FBN1: variants seen among roughly 807,000 people sequenced by gnomAD.
FBN1 encodes fibrillin-1.
Under a neutral mutation model 365.1 loss-of-function variants are expected in FBN1, and 29 were observed. The ratio of observed to expected loss-of-function variants is 0.08; its 90% CI spans 0.06 to 0.11. The LOEUF is 0.11. Among genes scored for constraint, FBN1 ranks in the 10% least tolerant of loss-of-function variants. FBN1 has a pLI of 1.00. For synonymous variants in FBN1, 1,210 were observed against 1,270.5 expected (o/e 0.95, Z 1.01); for missense variants, 2,476 against 3,703.2 (o/e 0.67, Z 8.60).
chr15:48,472,136 G>GT (rs2043381314), intron 35 of FBN1, among the ~76,000 whole-genome samples: 1 of 152,230 alleles, frequency 6.6e-6, no homozygotes, highest in East Asian at 1.9e-4. Context: ...ATTAAAACCT[G>GT]TGTTTCCATA....
intron 49 of FBN1, among the ~76,000 whole-genome samples, chr15:48,444,004 C>T (rs2043135583): frequency 6.6e-6 from 1 of 152,104 alleles, no homozygotes; most frequent in Non-Finnish European, 1.5e-5. Flanking sequence ...TGTACTTCAA[C>T]CTGGTGACAG....
intron 6 of FBN1, among the ~76,000 whole-genome samples, chr15:48,576,833 T>C (rs906980620): frequency 3.9e-5 from 6 of 152,094 alleles, no homozygotes; most frequent in African/African-American, 1.4e-4. Context: ...ATATACTATA[T>C]GTTAGATGGA....
intron 44 of FBN1, among the ~76,000 whole-genome samples, chr15:48,455,416 A>T (rs765347828): frequency 1.2e-4 from 19 of 152,220 alleles, no homozygotes; most frequent in Non-Finnish European, 4.4e-5. Flanking sequence ...TACAGTCATC[A>T]TCAAAGCCAT....
chr15:48,487,552 G>T, intron 27 of FBN1, 115 bp from the exon 28 acceptor site: 2 of 1,422,880 alleles, frequency 1.4e-6, no homozygotes, highest in Non-Finnish European at 2.0e-6. Flanking sequence ...TCTCAAGGTG[G>T]GACAACTCTC....
intron 9 of FBN1, among the ~76,000 whole-genome samples, chr15:48,524,177 C>T (rs1441216871): frequency 2.0e-5 from 3 of 152,058 alleles, no homozygotes; most frequent in Non-Finnish European, 4.4e-5. Context: ...ATTACAAATG[C>T]CACAGGAAGA....
rs16961135 is a variant in FBN1, at chr15:48,557,399, C to A, written c.539-19591G>T. 0.016 allele frequency among the ~76,000 whole-genome samples: 2,508 copies of A among 152,266 alleles called. 203 individuals are homozygous for A. In the East Asian group the frequency reaches 0.24, roughly 14 times the overall value. ...TACTCTGGATGCCGGCCTGATACAT[C>A]CTGGTGCCAAGTGGCAACTGGTTTC... On this transcript the variant is annotated intron_variant, in intron 6 of 65. Transcript: ENST00000316623.
intron 30 of FBN1, among the ~76,000 whole-genome samples, chr15:48,484,619 C>T (rs1268960201): frequency 6.6e-6 from 1 of 152,204 alleles, no homozygotes; most frequent in Non-Finnish European, 1.5e-5. Flanking sequence ...GATCTGCCTG[C>T]CTCAGCCTCC....
At chr15:48,600,345 G>C (rs1454251399) in intron 4 of FBN1, 111 bp from the exon 5 acceptor site, 1 of 779,824 alleles carries the variant, frequency 1.3e-6, no homozygotes, top group Non-Finnish European at 2.2e-6. Context: ...AGCTTATCAG[G>C]ATTCATCTAT....
intron 8 of FBN1, chr15:48,529,846 T>C (rs1192609955): frequency 6.5e-6 from 1 of 154,412 alleles, no homozygotes; most frequent in East Asian, 1.9e-4. Flanking sequence ...CTTTTATCCA[T>C]GCTGCATCCG....
intron 56 of FBN1, among the ~76,000 whole-genome samples, chr15:48,429,212 T>C (rs2043007034): frequency 6.6e-6 from 1 of 152,198 alleles, no homozygotes; most frequent in African/African-American, 2.4e-5. Context: ...TATCAGCATA[T>C]GAAAGAAATA....
At chr15:48,572,828 G>C (rs2044316387) in intron 6 of FBN1, among the ~76,000 whole-genome samples, 1 of 152,164 alleles carries the variant, frequency 6.6e-6, no homozygotes, top group Admixed American at 6.5e-5. Context: ...TTCATGAAAT[G>C]TTGACATTTG....
chr15:48,484,099 G>C (rs2043486892), intron 30 of FBN1, among the ~76,000 whole-genome samples, 156 bp from the exon 31 acceptor site: 1 of 152,022 alleles, frequency 6.6e-6, no homozygotes. Context: ...CTAGCCCATT[G>C]GGTTATCCTT....
At chr15:48,517,279 T>C (rs2043812925) in intron 10 of FBN1, among the ~76,000 whole-genome samples, 1 of 152,128 alleles carries the variant, frequency 6.6e-6, no homozygotes, top group Admixed American at 6.5e-5. Flanking sequence ...AGAGAGGTGA[T>C]ACTCAAAGCC....
At position 48,465,867 on chromosome 15, in the gene FBN1, AC is replaced by A; in HGVS notation, c.4748-10del. ...AAGAATTTTGTACTCGGCTATTGAA[AC>A]AAAAATTCAAATTGAGTTGTTTTGA... is the stretch of plus-strand genomic sequence containing the variant. On this transcript the variant is annotated splice_polypyrimidine_tract_variant and intron_variant, in intron 38 of 65. Coordinates refer to ENST00000316623, the MANE Select transcript of FBN1 (RefSeq NM_000138.5). 1 of 1,604,266 alleles carries A rather than the reference AC, an allele frequency of 6.2e-7. No homozygotes were observed. The highest frequency in any genetic ancestry group is 8.5e-7 in the Non-Finnish European group (1 of 1,171,194).
intron 37 of FBN1, 29 bp downstream of exon 37, chr15:48,468,383 G>T: frequency 3.1e-6 from 5 of 1,613,342 alleles, no homozygotes; most frequent in Non-Finnish European, 4.2e-6. Flanking sequence ...CAGTATGCTT[G>T]CTTCTCTGAA....
Position 48,487,451 on chromosome 15 carries a change from A to G in FBN1, c.3338-14T>C, listed in dbSNP as rs2043518734. On this transcript the variant is annotated splice_polypyrimidine_tract_variant and intron_variant, in intron 27 of 65. Coordinates refer to ENST00000316623, the MANE Select transcript of FBN1 (RefSeq NM_000138.5). ...ACTCATCAATATCTGCAAAATGGAA[A>G]TGACCATGTTAAAGGTGGGGGCCTC... 6.2e-7 allele frequency: 1 copy of G among 1,613,352 alleles called. No homozygotes were observed. The highest frequency in any genetic ancestry group is 1.1e-5 in the South Asian group (1 of 91,064).
intron 6 of FBN1, among the ~76,000 whole-genome samples, chr15:48,588,761 G>A (rs750076745): frequency 3.3e-5 from 5 of 152,152 alleles, no homozygotes; most frequent in Admixed American, 6.5e-5. Context: ...GATGGGAAGC[G>A]GGTTACTCTG....
intron 22 of FBN1, 141 bp downstream of exon 22, chr15:48,494,982 A>G: frequency 1.1e-6 from 1 of 916,254 alleles, no homozygotes; most frequent in Non-Finnish European, 1.7e-6. Context: ...CTTATTTCCC[A>G]TTCAGCAATA....
intron 3 of FBN1, 124 bp downstream of exon 3, chr15:48,612,886 G>C (rs2044667636): frequency 2.5e-6 from 2 of 790,402 alleles, no homozygotes; most frequent in African/African-American, 1.7e-5. Flanking sequence ...AAGTCTTAAA[G>C]CTGGAAGGCT....
Sources: gnomAD v4.1 joint callset for allele counts (sites outside exome capture counted in the v4.1 genomes callset) on GRCh38, gnomAD v4.1.1 for gene constraint, MANE v1.5 for transcripts, NCBI Gene and HGNC (gene_info 2026-07-23, HGNC 2026-07-21) for gene names.